EXOC6: variants seen among roughly 807,000 people sequenced by gnomAD.
The protein encoded by EXOC6 is exocyst complex component 6, also known as SEC15-like 1.
In EXOC6, 60 loss-of-function variants were observed where a neutral mutation model predicts 112.5. That is an observed-to-expected ratio of 0.53 (90% confidence interval 0.43 to 0.66). The LOEUF is 0.66. EXOC6 is among the 30% of genes least tolerant of loss of function. EXOC6 has a pLI of 0.00. For missense variants in EXOC6, 855 were observed against 957.1 expected (o/e 0.89, Z 1.41); for synonymous variants, 295 against 308.0 (o/e 0.96, Z 0.44).
chr10:92,929,113 T>C (rs1035868500), intron 9 of EXOC6, among the ~76,000 whole-genome samples: 2 of 148,852 alleles, frequency 1.3e-5, no homozygotes, highest in Non-Finnish European at 3.0e-5. Context: ...AGGTGTCTAA[T>C]AAGAGATTGT....
At chr10:92,841,663 C>G (rs1308331749) in intron 1 of EXOC6, among the ~76,000 whole-genome samples, 1 of 152,152 alleles carries the variant, frequency 6.6e-6, no homozygotes, top group Non-Finnish European at 1.5e-5. Flanking sequence ...ATGTTTATTG[C>G]AACACTAGAT....
At chr10:92,835,731 A>C (rs948671879) in intron 1 of EXOC6, among the ~76,000 whole-genome samples, 1 of 152,218 alleles carries the variant, frequency 6.6e-6, no homozygotes, top group African/African-American at 2.4e-5. Context: ...CATAGTTTGA[A>C]TATCTTCAAA....
chr10:92,912,774 T>G (rs1433230277), intron 6 of EXOC6, among the ~76,000 whole-genome samples: 1 of 152,084 alleles, frequency 6.6e-6, no homozygotes, highest in Non-Finnish European at 1.5e-5. Context: ...GACCAGAAAT[T>G]CTCAGAAGGG....
chr10:92,947,647 C>A (rs989852792), intron 13 of EXOC6, among the ~76,000 whole-genome samples: 2 of 152,210 alleles, frequency 1.3e-5, no homozygotes, highest in Admixed American at 1.3e-4. Context: ...CAGTGGCTCA[C>A]GCCTGTAATC....
chr10:93,002,253 T>A (rs1843790215), intron 19 of EXOC6, among the ~76,000 whole-genome samples: 1 of 152,222 alleles, frequency 6.6e-6, no homozygotes, highest in Non-Finnish European at 1.5e-5. Context: ...ATGTGTTCCA[T>A]AGCTAGCCTG....
chr10:92,869,422 T>C (rs1279275609), intron 1 of EXOC6, among the ~76,000 whole-genome samples: 1 of 152,088 alleles, frequency 6.6e-6, no homozygotes, highest in East Asian at 1.9e-4. Flanking sequence ...GATCCTCTCA[T>C]TTCAGCCTCC....
chr10:92,995,224 CAT>C (rs1843436043), intron 18 of EXOC6, among the ~76,000 whole-genome samples: 1 of 151,830 alleles, frequency 6.6e-6, no homozygotes, highest in African/African-American at 2.4e-5. Context: ...TGTATGTGTG[CAT>C]GTGTGTTTTC....
chr10:92,929,856 T>C (rs899516066), intron 9 of EXOC6, among the ~76,000 whole-genome samples: 1 of 152,218 alleles, frequency 6.6e-6, no homozygotes, highest in African/African-American at 2.4e-5. Context: ...GTCTAACATA[T>C]ATCTAATTGG....
Position 92,889,613 on chromosome 10 carries a change from T to G in EXOC6, c.102-3736T>G, listed in dbSNP as rs186528943. Among the ~76,000 whole-genome samples, 5 of 152,376 alleles carry G rather than the reference T, an allele frequency of 3.3e-5. No homozygotes were observed. The East Asian group carries it at 9.6e-4, about 29-fold the overall frequency. ...TGTCAAAATTCAGTTACTATGTTTA[T>G]GTGGGTTTATTTCTGGTCTGTCTAT... On this transcript the variant is annotated intron_variant, in intron 1 of 21. Transcript: ENST00000260762.
chr10:92,988,800 T>TACACACACACACACAC lies in EXOC6; in HGVS notation c.1954-8649_1954-8634dup, dbSNP rs67242778. Among the ~76,000 whole-genome samples, 461 of 143,066 alleles carry TACACACACACACACAC rather than the reference T, an allele frequency of 3.2e-3. 2 individuals carry two copies. The highest frequency in any genetic ancestry group is 0.011 in the African/African-American group (436 of 38,946). The allele number at this position is 143,066 out of a possible 152,430, so 93.9% of individuals were successfully genotyped here. A position where few individuals can be genotyped will look rare whatever the true frequency, so the allele number is the denominator to read the frequency against. On this transcript the variant is annotated intron_variant, in intron 18 of 21. Transcript: ENST00000260762. ...GACAAAACCCCATCTCTACAAAAAA[T>TACACACACACACACAC]ACACACACACACACACACACACACA... is the stretch of plus-strand genomic sequence containing the variant.
chr10:92,991,212 C>T (rs1288737199), intron 18 of EXOC6, among the ~76,000 whole-genome samples: 5 of 150,054 alleles, frequency 3.3e-5, no homozygotes, highest in African/African-American at 9.8e-5. Flanking sequence ...CCGAGGTGGG[C>T]GGATTATGAG....
rs118167217 is a variant in EXOC6 at position 92,902,932 on chromosome 10, C to T, written c.458+3288C>T. Among the ~76,000 whole-genome samples, 694 of 152,156 alleles carry T rather than the reference C, an allele frequency of 4.6e-3. 4 individuals carry two copies. The highest frequency in any genetic ancestry group is 8.0e-3 in the Non-Finnish European group (545 of 67,968). ...CTTTTTATTGCTAGAATTTGTTTAT[C>T]TATCCATTAGTTGCTATTTGGGTGG... On this transcript the variant is annotated intron_variant, in intron 5 of 21. Transcript: ENST00000260762.
At chr10:92,974,894 G>T (rs1842449243) in intron 18 of EXOC6, among the ~76,000 whole-genome samples, 1 of 152,234 alleles carries the variant, frequency 6.6e-6, no homozygotes, top group South Asian at 2.1e-4. Context: ...CTGGAGTGCA[G>T]TGGCGTGCTC....
intron 18 of EXOC6, among the ~76,000 whole-genome samples, chr10:92,993,488 A>G (rs1007249672): frequency 2.6e-5 from 4 of 152,176 alleles, no homozygotes; most frequent in African/African-American, 9.7e-5. Context: ...GACCTTTGAA[A>G]TAAGAAAATG....
intron 19 of EXOC6, among the ~76,000 whole-genome samples, chr10:93,006,915 C>T (rs1844013591): frequency 6.6e-6 from 1 of 151,918 alleles, no homozygotes; most frequent in Admixed American, 6.6e-5. Context: ...GCTTAGCCTC[C>T]TCCCCTTTCT....
chr10:93,055,895 T>A (rs924054563), intron 20 of EXOC6, among the ~76,000 whole-genome samples: 5 of 152,166 alleles, frequency 3.3e-5, no homozygotes, highest in Non-Finnish European at 7.4e-5. Context: ...TGACCTTTCT[T>A]TATGAGGTTT....
At chr10:93,029,528 G>C (rs2134285623) in intron 20 of EXOC6, among the ~76,000 whole-genome samples, 1 of 152,248 alleles carries the variant, frequency 6.6e-6, no homozygotes, top group African/African-American at 2.4e-5. Flanking sequence ...TGTATATTCT[G>C]AATGGGAGTT....
rs535121752 is a variant in EXOC6, at chr10:92,973,966, G to A, written c.1774-87G>A. On this transcript the variant is annotated intron_variant, in intron 17 of 21. Coordinates refer to ENST00000260762, the MANE Select transcript of EXOC6 (RefSeq NM_019053.6). ...TAAATGGCTAAAATATTAAACCAAA[G>A]GTAAATGTAAAATAATATCTAGAAT... is the stretch of plus-strand genomic sequence containing the variant. 57 of 1,136,060 alleles carry A rather than the reference G, an allele frequency of 5.0e-5. No homozygotes were observed. In the East Asian group the frequency reaches 7.1e-4, roughly 14 times the overall value. The allele number at this position is 1,136,060 out of a possible 1,614,324, so 70.4% of individuals were successfully genotyped here.
rs74597421 is a variant in EXOC6, at chr10:92,943,688, A to G, written c.1310+2864A>G. 4.7e-3 allele frequency among the ~76,000 whole-genome samples: 713 copies of G among 151,212 alleles called. 4 individuals carry two copies. Among genetic ancestry groups the G allele is most frequent in the East Asian group, 9.9e-3 (51 of 5,170 alleles). ...GAATGATTAAATCAAGCAAATTAAC[A>G]TATCCATCACCTCACGTACTTATTT... is the stretch of plus-strand genomic sequence containing the variant. On this transcript the variant is annotated intron_variant, in intron 13 of 21. Transcript: ENST00000260762.
Sources: allele counts gnomAD v4.1 joint callset (sites outside exome capture counted in the v4.1 genomes callset), GRCh38; gene constraint gnomAD v4.1.1; transcripts MANE v1.5; gene names NCBI Gene and HGNC (gene_info 2026-07-23, HGNC 2026-07-21).